Variants in HEMK2 observed in about 807,000 individuals in gnomAD.
The protein encoded by HEMK2 is HemK methyltransferase 2, ETF1 glutamine and histone H4 lysine.
the HEMK2 span, among the ~76,000 whole-genome samples, chr21:28,864,191 T>C: frequency 6.6e-6 from 1 of 152,112 alleles, no homozygotes; most frequent in Non-Finnish European, 1.5e-5. Flanking sequence ...GATGAAAGGA[T>C]TATAAGTTAT....
chr21:28,710,310 G>A, the HEMK2 span, among the ~76,000 whole-genome samples: 45 of 152,216 alleles, frequency 3.0e-4, no homozygotes, highest in Non-Finnish European at 5.3e-4. Context: ...TTGGCATCCT[G>A]TTGGGAATAT....
chr21:28,621,479 G>A, the HEMK2 span, among the ~76,000 whole-genome samples: 26 of 152,220 alleles, frequency 1.7e-4, no homozygotes, highest in Middle Eastern at 3.4e-3. Flanking sequence ...TGTTTCACGC[G>A]TCCGTGTGAA....
the HEMK2 span, among the ~76,000 whole-genome samples, chr21:28,592,625 C>T: frequency 6.6e-6 from 1 of 152,200 alleles, no homozygotes; most frequent in Non-Finnish European, 1.5e-5. Flanking sequence ...AGCAGAATGC[C>T]TCTTATCCCT....
chr21:28,612,412 C>T, the HEMK2 span, among the ~76,000 whole-genome samples: 2 of 152,084 alleles, frequency 1.3e-5, no homozygotes, highest in Non-Finnish European at 2.9e-5. Flanking sequence ...TCAGCAAGAT[C>T]GGCATACAAG....
At chr21:28,590,427 C>A in the HEMK2 span, among the ~76,000 whole-genome samples, 1 of 151,876 alleles carries the variant, frequency 6.6e-6, no homozygotes, top group African/African-American at 2.4e-5. Flanking sequence ...TAAAAAAAAA[C>A]TGAATAAAGC....
At chr21:28,817,980 T>C in the HEMK2 span, among the ~76,000 whole-genome samples, 1 of 152,132 alleles carries the variant, frequency 6.6e-6, no homozygotes, top group African/African-American at 2.4e-5. Flanking sequence ...CACATACAGA[T>C]AGTGTGATGG....
the HEMK2 span, among the ~76,000 whole-genome samples, chr21:28,843,850 A>G: frequency 1.3e-5 from 2 of 152,178 alleles, no homozygotes; most frequent in Non-Finnish European, 2.9e-5. Flanking sequence ...ACATAGTAGT[A>G]AAATGTGTAA....
At chr21:28,762,760 G>A in the HEMK2 span, among the ~76,000 whole-genome samples, 1 of 152,056 alleles carries the variant, frequency 6.6e-6, no homozygotes, top group African/African-American at 2.4e-5. Context: ...ATGTTATGAT[G>A]CAGCATGAAG....
chr21:28,875,724 C>T, the HEMK2 span: 2 of 152,170 alleles, frequency 1.3e-5, no homozygotes, highest in Non-Finnish European at 2.9e-5. Flanking sequence ...TTAAGAGCAG[C>T]AAGATGCAAG....
At chr21:28,718,531 C>G in the HEMK2 span, among the ~76,000 whole-genome samples, 1 of 152,028 alleles carries the variant, frequency 6.6e-6, no homozygotes, top group Admixed American at 6.5e-5. Context: ...GTTGAAGTCT[C>G]TAACTATTAC....
the HEMK2 span, among the ~76,000 whole-genome samples, chr21:28,864,913 T>TATAGATAAGATAG: frequency 5.7e-4 from 82 of 144,090 alleles, no homozygotes; most frequent in South Asian, 1.1e-3. Context: ...AGATAGATGA[T>TATAGATAAGATAG]ATAGATAGAT....
chr21:28,841,332 AAT>A, the HEMK2 span, among the ~76,000 whole-genome samples: 2 of 10,514 alleles, frequency 1.9e-4, no homozygotes, highest in South Asian at 2.5e-3. Context: ...ATTATATATA[AAT>A]ATATATTATA....
chr21:28,733,369 A>C, the HEMK2 span, among the ~76,000 whole-genome samples: 1 of 152,220 alleles, frequency 6.6e-6, no homozygotes, highest in Non-Finnish European at 1.5e-5. Flanking sequence ...CCCTGTTTGT[A>C]GCAGAATTCC....
chr21:28,795,940 G>A, the HEMK2 span, among the ~76,000 whole-genome samples: 1 of 152,146 alleles, frequency 6.6e-6, no homozygotes, highest in South Asian at 2.1e-4. Flanking sequence ...TTAAAGGTTT[G>A]TTGGTTGTTC....
the HEMK2 span, among the ~76,000 whole-genome samples, chr21:28,646,937 T>A: frequency 2.0e-5 from 3 of 152,090 alleles, no homozygotes; most frequent in Non-Finnish European, 4.4e-5. Context: ...CTTGGGCCAA[T>A]CCAAATCCAA....
At chr21:28,838,267 G>A in the HEMK2 span, among the ~76,000 whole-genome samples, 1 of 152,136 alleles carries the variant, frequency 6.6e-6, no homozygotes, top group South Asian at 2.1e-4. Context: ...GGGTGCGGTG[G>A]CTCACACCTG....
the HEMK2 span, among the ~76,000 whole-genome samples, chr21:28,619,053 A>G: frequency 6.6e-6 from 1 of 152,148 alleles, no homozygotes; most frequent in African/African-American, 2.4e-5. Context: ...TTATAAGAAA[A>G]GGAAGTTTAG....
chr21:28,854,258 A>C, the HEMK2 span, among the ~76,000 whole-genome samples: 1 of 152,190 alleles, frequency 6.6e-6, no homozygotes, highest in East Asian at 1.9e-4. Context: ...AAATGCATTT[A>C]TTTTGCATAA....
chr21:28,788,409 T>C, the HEMK2 span, among the ~76,000 whole-genome samples: 42,111 of 151,480 alleles, frequency 0.28, 6,040 homozygotes, highest in East Asian at 0.41. Context: ...TTATTCTAAG[T>C]GAAGTAACTC....
Sources: allele counts gnomAD v4.1 joint callset (sites outside exome capture counted in the v4.1 genomes callset), GRCh38; gene constraint gnomAD v4.1.1; transcripts MANE v1.5; gene names NCBI Gene and HGNC (gene_info 2026-07-23, HGNC 2026-07-21).